Variants in CNTN5 observed in about 807,000 individuals in gnomAD.
The protein encoded by CNTN5 is contactin 5.
In CNTN5, 77 loss-of-function variants were observed where a neutral mutation model predicts 129.1. That is an observed-to-expected ratio of 0.60 (90% CI 0.50 to 0.72). The LOEUF (loss-of-function observed/expected upper bound fraction) is 0.72, where lower values mean the gene tolerates loss of function less well. Among genes scored for constraint, CNTN5 ranks in the 30% least tolerant of loss-of-function variants. The pLI is 0.00. For synonymous variants in CNTN5, 509 were observed against 465.6 expected (o/e 1.09, Z -1.20); for missense variants, 1,478 against 1,328.8 (o/e 1.11, Z -1.75).
At chr11:99,944,477 A>G (rs890504429) in intron 7 of CNTN5, among the ~76,000 whole-genome samples, 2 of 152,086 alleles carry the variant, frequency 1.3e-5, no homozygotes, top group African/African-American at 4.8e-5. Flanking sequence ...CTCTTTCACC[A>G]CTTCTATTCA....
At chr11:99,789,719 G>A (rs1435139043) in intron 3 of CNTN5, among the ~76,000 whole-genome samples, 1 of 151,952 alleles carries the variant, frequency 6.6e-6, no homozygotes, top group Admixed American at 6.6e-5. Context: ...CACCCATGAA[G>A]TTATCTCCTT....
intron 3 of CNTN5, among the ~76,000 whole-genome samples, chr11:99,622,974 G>A (rs532826343): frequency 1.2e-4 from 18 of 152,212 alleles, no homozygotes; most frequent in Admixed American, 9.8e-4. Context: ...GTCTCAATTA[G>A]AATGACTCTA....
At chr11:99,576,866 C>T (rs560496104) in intron 3 of CNTN5, among the ~76,000 whole-genome samples, 4 of 152,252 alleles carry the variant, frequency 2.6e-5, no homozygotes, top group Non-Finnish European at 4.4e-5. Flanking sequence ...ACCTAATCAC[C>T]TCCCCAAAGT....
intron 2 of CNTN5, among the ~76,000 whole-genome samples, chr11:99,548,946 C>T (rs1487659186): frequency 9.9e-5 from 15 of 152,054 alleles, no homozygotes; most frequent in Admixed American, 9.8e-4. Context: ...CATTTTCTTT[C>T]TCACTCAAAA....
intron 1 of CNTN5, among the ~76,000 whole-genome samples, chr11:99,061,527 C>T (rs1272116072): frequency 6.6e-6 from 1 of 152,060 alleles, no homozygotes; most frequent in Admixed American, 6.6e-5. Context: ...CTGCTGTAAC[C>T]ACTCTGATCT....
Position 99,442,325 on chromosome 11 carries a change from A to G in CNTN5, c.-70-113820A>G, listed in dbSNP as rs554869878. ...GCTGGGATTACAGGCATGTGCCACCATGCCCAGCTAATTTTTGTATTTTTA... is the reference window on the plus strand; with the variant it reads ...GCTGGGATTACAGGCATGTGCCACCGTGCCCAGCTAATTTTTGTATTTTTA... On this transcript the variant is annotated intron_variant, in intron 2 of 24. Transcript: ENST00000524871. Among the ~76,000 whole-genome samples, 12 of 152,134 alleles carry G rather than the reference A, an allele frequency of 7.9e-5. No homozygotes were observed. The South Asian group carries it at 2.3e-3, about 29-fold the overall frequency.
At chr11:100,002,164 C>A in intron 9 of CNTN5, 28 bp downstream of exon 9, 7 of 1,357,720 alleles carry the variant, frequency 5.2e-6, no homozygotes, top group Non-Finnish European at 6.9e-6. Flanking sequence ...CATAATTAAA[C>A]ACAATTTTTT....
chr11:100,181,344 A>AT (rs951471997), intron 13 of CNTN5, among the ~76,000 whole-genome samples: 7 of 152,022 alleles, frequency 4.6e-5, no homozygotes, highest in African/African-American at 1.4e-4. Flanking sequence ...CTAATCTAAG[A>AT]TTTTTTTGAA....
intron 21 of CNTN5, among the ~76,000 whole-genome samples, chr11:100,336,532 AATG>A (rs1372224571): frequency 9.2e-5 from 14 of 152,252 alleles, no homozygotes; most frequent in African/African-American, 3.1e-4. Flanking sequence ...AAGATATTAA[AATG>A]ATAAGCTGTC....
intron 1 of CNTN5, among the ~76,000 whole-genome samples, chr11:99,194,329 C>G (rs1266802758): frequency 1.3e-5 from 2 of 151,912 alleles, no homozygotes; most frequent in Non-Finnish European, 2.9e-5. Flanking sequence ...CATTAGACCA[C>G]AAAGATGAGA....
chr11:100,025,408 G>C (rs1941367359), intron 9 of CNTN5, among the ~76,000 whole-genome samples: 1 of 152,212 alleles, frequency 6.6e-6, no homozygotes, highest in South Asian at 2.1e-4. Context: ...ACCTATGCTG[G>C]TGCAGTGCAG....
intron 6 of CNTN5, among the ~76,000 whole-genome samples, chr11:99,902,413 A>G (rs1354722858): frequency 2.0e-5 from 3 of 152,146 alleles, no homozygotes; most frequent in Non-Finnish European, 4.4e-5. Flanking sequence ...ACATCTGCCT[A>G]ACCTTGAACT....
intron 7 of CNTN5, among the ~76,000 whole-genome samples, chr11:99,934,872 C>CTGTGTGTGTGTGTGTGTGTGTGTG (rs369560126): frequency 2.0e-5 from 1 of 50,120 alleles, no homozygotes; most frequent in African/African-American, 8.3e-5. Flanking sequence ...GAGACTCAGT[C>CTGTGTGTGTGTGTGTGTGTGTGTG]TGTGTGTGTG....
intron 2 of CNTN5, among the ~76,000 whole-genome samples, chr11:99,545,210 A>G (rs1413982858): frequency 6.6e-6 from 1 of 152,198 alleles, no homozygotes; most frequent in Non-Finnish European, 1.5e-5. Context: ...TATGACTCCT[A>G]AGGGTATTTC....
intron 1 of CNTN5, among the ~76,000 whole-genome samples, chr11:99,176,253 C>T (rs1455364991): frequency 2.0e-5 from 3 of 151,960 alleles, no homozygotes; most frequent in South Asian, 2.1e-4. Flanking sequence ...TGTCCCAGAC[C>T]GAGAGGTTAA....
chr11:99,307,867 G>C (rs1225962068), intron 1 of CNTN5, among the ~76,000 whole-genome samples: 3 of 152,136 alleles, frequency 2.0e-5, no homozygotes, highest in Admixed American at 2.0e-4. Flanking sequence ...AAGCAAATTA[G>C]AAAGTATGCA....
chr11:100,250,038 GT>G (rs1472353196), intron 16 of CNTN5, among the ~76,000 whole-genome samples: 1 of 151,968 alleles, frequency 6.6e-6, no homozygotes, highest in Non-Finnish European at 1.5e-5. Flanking sequence ...ACGTTAATAT[GT>G]TCATAAAAGT....
intron 2 of CNTN5, among the ~76,000 whole-genome samples, chr11:99,404,036 T>C (rs1288045160): frequency 2.0e-5 from 3 of 152,086 alleles, no homozygotes; most frequent in African/African-American, 4.8e-5. Context: ...CTGGGTGCTC[T>C]AGTATCGGGT....
rs185955046 is a variant in CNTN5, at chr11:99,274,183, G to A, written c.-209-51163G>A. ...GTGCTATTTCATCAATTTATACCTG[G>A]GGCTTAATAGTTTAGGAGCAGTAAG... is the stretch of plus-strand genomic sequence containing the variant. On this transcript the variant is annotated intron_variant, in intron 1 of 24. Transcript: ENST00000524871. 6.6e-5 allele frequency among the ~76,000 whole-genome samples: 10 copies of A among 151,584 alleles called. No individual in the cohort carries two copies. The East Asian group carries it at 1.9e-3, about 30-fold the overall frequency.
Sources: allele counts gnomAD v4.1 joint callset (sites outside exome capture counted in the v4.1 genomes callset), GRCh38; gene constraint gnomAD v4.1.1; transcripts MANE v1.5; gene names NCBI Gene and HGNC (gene_info 2026-07-23, HGNC 2026-07-21).